Variants in PSD2 observed in about 807,000 individuals in gnomAD.
The protein encoded by PSD2 is pleckstrin and Sec7 domain containing 2, also known as PH and SEC7 domain-containing protein 2.
A neutral mutation model predicts 69.8 loss-of-function variants in PSD2; 38 were observed. That is an observed-to-expected ratio of 0.54 (90% CI 0.42 to 0.71). The LOEUF is 0.71. Among genes scored for constraint, PSD2 ranks in the 30% least tolerant of loss-of-function variants. The pLI, the probability that PSD2 is intolerant of heterozygous loss-of-function variation, is 0.00. For missense variants in PSD2, 943 were observed against 1,014.5 expected, an observed-to-expected ratio of 0.93 and a Z score of 0.96; for synonymous variants, 412 against 423.0, an observed-to-expected ratio of 0.97 and a Z score of 0.32.
At chr5:139,838,586 C>A (rs200838863) in intron 12 of PSD2, 42 bp from the exon 13 acceptor site, 2 of 1,596,432 alleles carry the variant, frequency 1.3e-6, no homozygotes, top group African/African-American at 1.3e-5. Flanking sequence ...GACAGGGAGT[C>A]CTGTGTGAGA....
intron 7 of PSD2, among the ~76,000 whole-genome samples, chr5:139,827,646 C>T (rs890145168): frequency 3.9e-5 from 6 of 152,352 alleles, no homozygotes; most frequent in Admixed American, 3.9e-4. Flanking sequence ...GCTTCATTGA[C>T]TCACAGTTCC....
chr5:139,781,026 C>A, the PSD2 span, among the ~76,000 whole-genome samples: 4 of 152,200 alleles, frequency 2.6e-5, no homozygotes, highest in African/African-American at 9.7e-5. Flanking sequence ...CTTAACTATT[C>A]ACTCTGTTGC....
the PSD2 span, among the ~76,000 whole-genome samples, chr5:139,785,484 A>G: frequency 6.6e-6 from 1 of 152,204 alleles, no homozygotes; most frequent in Non-Finnish European, 1.5e-5. Flanking sequence ...TTGGCATCCC[A>G]AAGTGCTGGG....
Position 139,842,335 on chromosome 5 carries a change from T to C in PSD2, c.2177T>C (p.Leu726Pro). The change falls in exon 15 of 15, where the codon CTG becomes CCG. Residue 726 changes from leucine to proline, a missense_variant. This residue lies in a region of PSD2 where 165 missense variants were observed against 168.8 expected (regional missense o/e 0.98). Coordinates refer to ENST00000274710, the MANE Select transcript of PSD2 (RefSeq NM_032289.4). ...AMKIKVGSDD[L>P]ERIEARLATL... Reference sequence around the variant, plus strand: ...AAAATCAAAGTGGGCTCAGATGATCTGGAGCGGATTGAGGCCCGGCTGGCC... The same window carrying C: ...AAAATCAAAGTGGGCTCAGATGATCCGGAGCGGATTGAGGCCCGGCTGGCC... 1.9e-6 allele frequency: 3 copies of C among 1,614,236 alleles called. No individual in the cohort carries two copies. Among genetic ancestry groups the C allele is most frequent in the Non-Finnish European group, 1.7e-6 (2 of 1,180,042 alleles).
At position 139,809,579 on chromosome 5, in the gene PSD2, G is replaced by A; in HGVS notation, c.139G>A (p.Gly47Arg). Residue 47 changes from glycine to arginine, a missense_variant, in exon 2 of 15, where the codon GGG (glycine) becomes AGG (arginine). Around this residue, in one of 3 missense-constraint regions of PSD2, gnomAD observed 466 missense variants for 445.0 expected, o/e 1.05. Transcript: ENST00000274710. Reference sequence around the variant, plus strand: ...CCTGAACAGCAGCCTCTGCAGCCCAGGGCACGAGCGAAGGGGCACCCCAGC... The same window carrying A: ...CCTGAACAGCAGCCTCTGCAGCCCAAGGCACGAGCGAAGGGGCACCCCAGC... ...EGLNSSLCSP[G>R]HERRGTPADT... The A allele has an allele frequency of 6.2e-7, 1 of 1,614,194 alleles. No homozygotes were observed.
In PSD2 at chr5:139,843,833, A is replaced by G. The variant is rs557188672; in HGVS notation, c.*1359A>G. The G allele has an allele frequency of 6.6e-6, 1 of 152,360 alleles. No individual in the cohort carries two copies. The highest frequency in any genetic ancestry group is 2.1e-4 in the South Asian group (1 of 4,824). The allele number at this position is 152,360 out of a possible 1,614,324, so 9.4% of individuals were successfully genotyped here. On this transcript the variant is annotated 3_prime_UTR_variant, in exon 15 of 15. Transcript: ENST00000274710. ...GGGTGATGGCACATTCAGTGTGGCT[A>G]TGAAGAGCGAATCCTCTCTATTGTT...
chr5:139,754,688 C>T, the PSD2 span, among the ~76,000 whole-genome samples: 1 of 151,240 alleles, frequency 6.6e-6, no homozygotes, highest in Admixed American at 6.6e-5. Context: ...TAGAGTGACA[C>T]CCTGCCTCAA....
At chr5:139,770,633 T>G in the PSD2 span, among the ~76,000 whole-genome samples, 1 of 152,308 alleles carries the variant, frequency 6.6e-6, no homozygotes, top group Non-Finnish European at 1.5e-5. Context: ...TTCTTCCTCA[T>G]GTTATTTCGC....
chr5:139,788,559 C>G, the PSD2 span, among the ~76,000 whole-genome samples: 1 of 152,214 alleles, frequency 6.6e-6, no homozygotes, highest in Admixed American at 6.5e-5. Context: ...CCCCCATCAA[C>G]CCAGGCCTGG....
chr5:139,748,009 A>C, the PSD2 span, among the ~76,000 whole-genome samples: 3 of 152,252 alleles, frequency 2.0e-5, no homozygotes, highest in East Asian at 5.8e-4. Flanking sequence ...GCCTTTGCGG[A>C]GGCGGTAATG....
Position 139,813,771 on chromosome 5 carries a change from C to A in PSD2, c.821+13C>A, listed in dbSNP as rs909994500. 1.9e-6 allele frequency: 3 copies of A among 1,585,528 alleles called. No homozygotes were observed. Among genetic ancestry groups the A allele is most frequent in the Admixed American group, 3.5e-5 (2 of 57,766 alleles). ...TGAACTCAGCCAGGTGAGGCAGGGC[C>A]CAGGCTGGGAGAACCACCGAGCAGA... On this transcript the variant is annotated intron_variant, in intron 3 of 14. Transcript: ENST00000274710.
upstream of PSD2, among the ~76,000 whole-genome samples, chr5:139,793,701 G>A (rs1424416316): frequency 6.6e-6 from 1 of 152,200 alleles, no homozygotes; most frequent in Non-Finnish European, 1.5e-5. Flanking sequence ...CTTTCAAGGG[G>A]CTCAGAGTCC....
the PSD2 span, among the ~76,000 whole-genome samples, chr5:139,750,686 C>T: frequency 6.6e-6 from 1 of 152,194 alleles, no homozygotes; most frequent in South Asian, 2.1e-4. Context: ...TAAATGAGAG[C>T]AGAACAAGGC....
At chr5:139,842,186 A>G in intron 14 of PSD2, 85 bp from the exon 15 acceptor site, 9 of 1,098,712 alleles carry the variant, frequency 8.2e-6, no homozygotes, top group Non-Finnish European at 1.2e-5. Context: ...CTGCATATTA[A>G]GGAAATTAGT....
At chr5:139,799,823 C>T (rs897400683) in intron 1 of PSD2, among the ~76,000 whole-genome samples, 4 of 152,018 alleles carry the variant, frequency 2.6e-5, no homozygotes, top group African/African-American at 7.3e-5. Context: ...GGAAGCAGAA[C>T]GGACAGGCCC....
At position 139,828,122 on chromosome 5, in the gene PSD2, G is replaced by A. The variant is rs187669171; in HGVS notation, c.1269+5338G>A. Among the ~76,000 whole-genome samples the A allele has an allele frequency of 1.7e-4, 26 of 152,236 alleles. No individual in the cohort carries two copies. The South Asian group carries it at 4.6e-3, about 27-fold the overall frequency. ...GGGGGATGTCAGAGAACGGTGATTC[G>A]CAAGCTCCAGCCATGAGAAAATGGC... On this transcript the variant is annotated intron_variant, in intron 7 of 14. Transcript: ENST00000274710.
At chr5:139,753,834 GT>G in the PSD2 span, among the ~76,000 whole-genome samples, 3 of 147,668 alleles carry the variant, frequency 2.0e-5, no homozygotes, top group African/African-American at 7.5e-5. Flanking sequence ...TTTTTTGTTT[GT>G]TTGTTTTGTT....
At chr5:139,810,658 G>A (rs570757742) in intron 2 of PSD2, among the ~76,000 whole-genome samples, 10 of 152,292 alleles carry the variant, frequency 6.6e-5, no homozygotes, top group Non-Finnish European at 1.2e-4. Context: ...GCACATGTTC[G>A]TGTTATGTAG....
At chr5:139,773,914 C>G in the PSD2 span, among the ~76,000 whole-genome samples, 1 of 151,894 alleles carries the variant, frequency 6.6e-6, no homozygotes, top group African/African-American at 2.4e-5. Flanking sequence ...ACTGGCTGAA[C>G]CCTTTTATAT....
Sources: gnomAD v4.1 joint callset for allele counts (sites outside exome capture counted in the v4.1 genomes callset) on GRCh38, gnomAD v4.1.1 for gene constraint, gnomAD v4.1.1 regional missense constraint, MANE v1.5 for transcripts, NCBI Gene and HGNC (gene_info 2026-07-23, HGNC 2026-07-21) for gene names.